FMN1: variants seen among roughly 807,000 people sequenced by gnomAD.
The protein encoded by FMN1 is formin-1.
FMN1 carries 110 observed loss-of-function variants against 132.4 expected under a neutral mutation model. The ratio of observed to expected loss-of-function variants is 0.83; its 90% CI spans 0.71 to 0.97. FMN1 has a LOEUF of 0.97. Ranked by LOEUF, FMN1 falls within the 50% of genes least tolerant of loss-of-function variation. FMN1 has a pLI of 0.00. For missense variants in FMN1, 1,792 were observed against 1,705.3 expected, an observed-to-expected ratio of 1.05 and a Z score of -0.90; for synonymous variants, 722 against 651.7, an observed-to-expected ratio of 1.11 and a Z score of -1.64.
intron 2 of FMN1, among the ~76,000 whole-genome samples, chr15:33,191,015 A>G (rs1475085601): frequency 6.6e-6 from 1 of 152,120 alleles, no homozygotes; most frequent in African/African-American, 2.4e-5. Context: ...CTAAAAATAC[A>G]AAAAATTAGC....
intron 16 of FMN1, among the ~76,000 whole-genome samples, chr15:32,878,845 A>G (rs1394144398): frequency 6.6e-6 from 1 of 152,130 alleles, no homozygotes; most frequent in Non-Finnish European, 1.5e-5. Flanking sequence ...AAACTCAACA[A>G]AACACATTCT....
chr15:33,043,866 A>C (rs148028744), intron 6 of FMN1, among the ~76,000 whole-genome samples: 9 of 152,272 alleles, frequency 5.9e-5, no homozygotes, highest in African/African-American at 2.2e-4. Flanking sequence ...TGAGGGCCAG[A>C]AGCAGACAAA....
intron 9 of FMN1, among the ~76,000 whole-genome samples, chr15:32,961,236 C>T (rs112809541): frequency 0.094 from 14,206 of 151,054 alleles, 1,171 homozygotes; most frequent in African/African-American, 0.22. Flanking sequence ...TGGGTTAAAG[C>T]GATTCTCCTG....
intron 19 of FMN1, among the ~76,000 whole-genome samples, chr15:32,794,025 T>TC (rs1368656563): frequency 6.6e-6 from 1 of 152,146 alleles, no homozygotes. Context: ...ACCTGAGCAG[T>TC]AGGGAGCTCT....
chr15:33,176,898 T>C (rs1965533721), intron 3 of FMN1, among the ~76,000 whole-genome samples: 1 of 152,216 alleles, frequency 6.6e-6, no homozygotes, highest in Non-Finnish European at 1.5e-5. Context: ...TACCTGCAGC[T>C]AAGACACTGC....
At chr15:33,058,801 T>C (rs139161037) in intron 6 of FMN1, among the ~76,000 whole-genome samples, 12 of 152,338 alleles carry the variant, frequency 7.9e-5, no homozygotes, top group Non-Finnish European at 1.2e-4. Context: ...CTTTACGGGG[T>C]AGATGATGCG....
intron 5 of FMN1, among the ~76,000 whole-genome samples, chr15:33,076,308 G>A (rs1423664463): frequency 6.6e-6 from 1 of 152,130 alleles, no homozygotes; most frequent in African/African-American, 2.4e-5. Context: ...ATGAAGACCT[G>A]GAATTTATTA....
intron 9 of FMN1, among the ~76,000 whole-genome samples, chr15:32,960,269 T>C (rs980357592): frequency 6.6e-6 from 1 of 152,094 alleles, no homozygotes; most frequent in African/African-American, 2.4e-5. Flanking sequence ...CACCAGAAAC[T>C]TATGGAACAA....
At chr15:33,067,352 T>G in intron 5 of FMN1, 1 of 1,614,008 alleles carries the variant, frequency 6.2e-7, no homozygotes, top group Non-Finnish European at 8.5e-7. Context: ...TTTGGACTCC[T>G]GAGATGGCTC....
intron 15 of FMN1, among the ~76,000 whole-genome samples, chr15:32,892,061 T>C (rs562186930): frequency 2.0e-5 from 3 of 152,296 alleles, no homozygotes; most frequent in African/African-American, 7.2e-5. Context: ...TTCTCTTGTC[T>C]GATTGCTCTG....
intron 12 of FMN1, 26 bp from the exon 13 acceptor site, chr15:32,902,066 A>C (rs929181389): frequency 1.9e-6 from 3 of 1,592,806 alleles, no homozygotes; most frequent in Non-Finnish European, 2.6e-6. Context: ...TGTGTCATCT[A>C]CCTTCACATA....
At chr15:32,872,131 G>A (rs1026872527) in intron 16 of FMN1, among the ~76,000 whole-genome samples, 3 of 151,770 alleles carry the variant, frequency 2.0e-5, no homozygotes, top group Admixed American at 6.6e-5. Context: ...GTCTGAACTT[G>A]GGGGAAGTGT....
At chr15:33,054,831 G>C (rs2037143426) in intron 6 of FMN1, among the ~76,000 whole-genome samples, 1 of 152,196 alleles carries the variant, frequency 6.6e-6, no homozygotes, top group Non-Finnish European at 1.5e-5. Context: ...ATTATTCATA[G>C]ATCAGTTCTA....
At chr15:32,998,452 G>A (rs140310555) in intron 7 of FMN1, among the ~76,000 whole-genome samples, 44 of 152,318 alleles carry the variant, frequency 2.9e-4, no homozygotes, top group African/African-American at 1.1e-3. Context: ...TTTGAAGCTA[G>A]AAGGAAACTT....
intron 18 of FMN1, among the ~76,000 whole-genome samples, chr15:32,803,345 T>C (rs2057544710): frequency 6.6e-6 from 1 of 152,148 alleles, no homozygotes; most frequent in South Asian, 2.1e-4. Flanking sequence ...CACTCACTCT[T>C]CTATGAGGGA....
At chr15:33,094,098 C>T (rs10519789) in intron 4 of FMN1, among the ~76,000 whole-genome samples, 17,797 of 152,152 alleles carry the variant, frequency 0.12, 1,150 homozygotes, top group African/African-American at 0.16. Context: ...AAGAGAGAAG[C>T]AGACGTGAAC....
At chr15:32,962,580 T>C (rs968997458) in intron 9 of FMN1, among the ~76,000 whole-genome samples, 1 of 151,134 alleles carries the variant, frequency 6.6e-6, no homozygotes, top group Non-Finnish European at 1.5e-5. Flanking sequence ...AGAAAATTTT[T>C]GCAACCTACT....
At chr15:32,823,252 C>T (rs2058278648) in intron 17 of FMN1, among the ~76,000 whole-genome samples, 1 of 146,978 alleles carries the variant, frequency 6.8e-6, no homozygotes, top group Admixed American at 7.1e-5. Flanking sequence ...AGCTCTGCCT[C>T]CTGGGTTCAC....
At chr15:32,804,210 G>C in intron 18 of FMN1, 71 bp downstream of exon 18, 1 of 1,075,286 alleles carries the variant, frequency 9.3e-7, no homozygotes, top group Non-Finnish European at 1.4e-6. Flanking sequence ...CAAAATGAAT[G>C]CACTTCATAA....
Sources: gnomAD v4.1 joint callset for allele counts (sites outside exome capture counted in the v4.1 genomes callset) on GRCh38, gnomAD v4.1.1 for gene constraint, MANE v1.5 for transcripts, NCBI Gene and HGNC (gene_info 2026-07-23, HGNC 2026-07-21) for gene names.